ACTL8: variants seen among roughly 807,000 people sequenced by gnomAD.
ACTL8 encodes actin-like protein 8.
ACTL8 carries 3 observed loss-of-function variants against 9.3 expected under a neutral mutation model. That is an observed-to-expected ratio of 0.32 (90% confidence interval 0.15 to 0.83). The LOEUF (loss-of-function observed/expected upper bound fraction) is 0.83, where lower values mean the gene tolerates loss of function less well. ACTL8 is among the 40% of genes least tolerant of loss of function. ACTL8 has a pLI of 0.57. For missense variants in ACTL8, 381 were observed against 492.2 expected (o/e 0.77, Z 2.14); for synonymous variants, 224 against 205.9 (o/e 1.09, Z -0.75).
intron 1 of ACTL8, among the ~76,000 whole-genome samples, chr1:17,815,226 T>G (rs1259745153): frequency 6.6e-6 from 1 of 152,226 alleles, no homozygotes; most frequent in Non-Finnish European, 1.5e-5. Context: ...AAAATATACT[T>G]TATAATTTTT....
At chr1:17,764,814 A>C (rs1328183545) in intron 1 of ACTL8, among the ~76,000 whole-genome samples, 1 of 152,244 alleles carries the variant, frequency 6.6e-6, no homozygotes, top group Non-Finnish European at 1.5e-5. Context: ...CTGATGTGTT[A>C]ACAGGCTGCA....
chr1:17,819,932 C>T (rs61766702), intron 1 of ACTL8, among the ~76,000 whole-genome samples: 5,952 of 152,060 alleles, frequency 0.039, 136 homozygotes, highest in African/African-American at 0.048. Context: ...TTGCTTGAGC[C>T]CAGGAGATTG....
At chr1:17,805,873 C>A (rs1325849528) in intron 1 of ACTL8, among the ~76,000 whole-genome samples, 1 of 152,216 alleles carries the variant, frequency 6.6e-6, no homozygotes, top group Non-Finnish European at 1.5e-5. Flanking sequence ...CTCTTCCTAA[C>A]AGCCCACTGA....
chr1:17,791,646 G>A (rs1017000044), intron 1 of ACTL8, among the ~76,000 whole-genome samples: 1 of 152,216 alleles, frequency 6.6e-6, no homozygotes, highest in African/African-American at 2.4e-5. Flanking sequence ...TGAGGAGGCT[G>A]GCTAGATCAA....
intron 1 of ACTL8, among the ~76,000 whole-genome samples, chr1:17,799,429 A>G (rs1196343343): frequency 6.7e-6 from 1 of 149,820 alleles, no homozygotes; most frequent in South Asian, 2.1e-4. Context: ...GGATGCGTTT[A>G]TACACTTTGT....
intron 1 of ACTL8, among the ~76,000 whole-genome samples, chr1:17,820,791 G>C (rs1001874272): frequency 1.3e-5 from 2 of 152,184 alleles, no homozygotes; most frequent in African/African-American, 4.8e-5. Flanking sequence ...TGGTCGGGCT[G>C]GTCTTGAACT....
intron 2 of ACTL8, among the ~76,000 whole-genome samples, chr1:17,824,524 G>C (rs1280242031): frequency 6.6e-6 from 1 of 152,150 alleles, no homozygotes; most frequent in Non-Finnish European, 1.5e-5. Context: ...CAAGTTAAAG[G>C]CTAAAATATT....
chr1:17,758,313 AGTG>A (rs780028776), intron 1 of ACTL8, among the ~76,000 whole-genome samples: 4 of 152,232 alleles, frequency 2.6e-5, no homozygotes, highest in Non-Finnish European at 5.9e-5. Context: ...AGGGATTTCT[AGTG>A]GTGGTGAATT....
At chr1:17,762,986 T>G (rs887324673) in intron 1 of ACTL8, among the ~76,000 whole-genome samples, 19 of 152,110 alleles carry the variant, frequency 1.2e-4, no homozygotes, top group Admixed American at 4.6e-4. Context: ...GTTCGCCTTT[T>G]GGGGCCAGGC....
intron 1 of ACTL8, among the ~76,000 whole-genome samples, chr1:17,778,496 C>T (rs1452910256): frequency 6.6e-6 from 1 of 152,022 alleles, no homozygotes; most frequent in Non-Finnish European, 1.5e-5. Context: ...TCGGGTGTGG[C>T]TCCTGATTCA....
rs117005108 is a variant in ACTL8 at position 17,777,301 on chromosome 1, A to G, written c.-25+21797A>G. ...CCCGGAGCGCCACCTGGTTGTTTAC[A>G]TCGTAGAAATGCTACTTCCTCTACC... On this transcript the variant is annotated intron_variant, in intron 1 of 2. Transcript: ENST00000375406. 2.7e-3 allele frequency among the ~76,000 whole-genome samples: 410 copies of G among 152,206 alleles called. 9 individuals are homozygous for G. The East Asian group carries it at 0.051, about 19-fold the overall frequency.
At chr1:17,780,695 G>GC (rs34638674) in intron 1 of ACTL8, among the ~76,000 whole-genome samples, 41,964 of 147,796 alleles carry the variant, frequency 0.28, 6,439 homozygotes, top group Admixed American at 0.38. Context: ...GGTTGACAGT[G>GC]CAGTCCTGAA....
chr1:17,807,670 A>G (rs2102696253), intron 1 of ACTL8, among the ~76,000 whole-genome samples: 1 of 152,348 alleles, frequency 6.6e-6, no homozygotes, highest in East Asian at 1.9e-4. Context: ...AGCCATAAAA[A>G]AGAATGAGTT....
chr1:17,805,377 CT>C (rs56870755), intron 1 of ACTL8, among the ~76,000 whole-genome samples: 644 of 99,870 alleles, frequency 6.4e-3, no homozygotes, highest in East Asian at 0.015. Flanking sequence ...TTTTCTTTTT[CT>C]TTTTTTTTTT....
chr1:17,795,689 G>T lies in ACTL8; in HGVS notation c.-24-27296G>T, dbSNP rs11580969. 9.9e-3 allele frequency among the ~76,000 whole-genome samples: 1,507 copies of T among 152,236 alleles called. 25 individuals are homozygous for T. The highest frequency in any genetic ancestry group is 0.034 in the African/African-American group (1,432 of 41,516). On this transcript the variant is annotated intron_variant, in intron 1 of 2. Coordinates refer to ENST00000375406, the MANE Select transcript of ACTL8 (RefSeq NM_030812.3). Reference sequence around the variant, plus strand: ...AACTGAAATTAAACAGAAGGGTGGGGGTCCCGCGTCAATCACTAGAGGTTA... The same window carrying T: ...AACTGAAATTAAACAGAAGGGTGGGTGTCCCGCGTCAATCACTAGAGGTTA...
At chr1:17,783,187 G>A (rs1484008970) in intron 1 of ACTL8, among the ~76,000 whole-genome samples, 1 of 152,166 alleles carries the variant, frequency 6.6e-6, no homozygotes, top group Middle Eastern at 3.2e-3. Context: ...TGGTTTGGCT[G>A]TGTCCCCACC....
intron 1 of ACTL8, among the ~76,000 whole-genome samples, chr1:17,799,994 C>T (rs1394428762): frequency 1.3e-5 from 2 of 152,164 alleles, no homozygotes; most frequent in African/African-American, 4.8e-5. Context: ...ATTGCTGTAC[C>T]TCTGGGACAT....
chr1:17,797,953 A>G (rs568037499), intron 1 of ACTL8, among the ~76,000 whole-genome samples: 1 of 152,272 alleles, frequency 6.6e-6, no homozygotes, highest in Non-Finnish European at 1.5e-5. Context: ...GAGCAGGATC[A>G]TTGAGAAACT....
chr1:17,799,476 T>C (rs2066304957), intron 1 of ACTL8, among the ~76,000 whole-genome samples: 1 of 152,234 alleles, frequency 6.6e-6, no homozygotes, highest in African/African-American at 2.4e-5. Flanking sequence ...TTTTTTCTTG[T>C]TGGTTTCTAA....
Sources: allele counts gnomAD v4.1 joint callset (sites outside exome capture counted in the v4.1 genomes callset), GRCh38; gene constraint gnomAD v4.1.1; transcripts MANE v1.5; gene names NCBI Gene and HGNC (gene_info 2026-07-23, HGNC 2026-07-21).